ANKLE2: variants seen among roughly 807,000 people sequenced by gnomAD.
ANKLE2 encodes ankyrin repeat and LEM domain containing 2, also known as ankyrin repeat and LEM domain-containing protein 2.
ANKLE2 carries 55 observed loss-of-function variants against 84.2 expected under a neutral mutation model. The observed-to-expected ratio is 0.65, with a 90% CI of 0.53 to 0.82. The LOEUF (loss-of-function observed/expected upper bound fraction) is 0.82, where lower values mean the gene tolerates loss of function less well. ANKLE2 is among the 40% of genes least tolerant of loss of function. The pLI is 0.00. For missense variants in ANKLE2, 1,238 were observed against 1,201.9 expected, an observed-to-expected ratio of 1.03 and a Z score of -0.44; for synonymous variants, 551 against 486.1, an observed-to-expected ratio of 1.13 and a Z score of -1.76.
At chr12:132,753,137 A>G (rs1021326161) in intron 2 of ANKLE2, among the ~76,000 whole-genome samples, 1 of 151,882 alleles carries the variant, frequency 6.6e-6, no homozygotes, top group Non-Finnish European at 1.5e-5. Flanking sequence ...ATGGGGAAAC[A>G]TTGTCTCTAC....
intron 11 of ANKLE2, among the ~76,000 whole-genome samples, chr12:132,729,164 A>G (rs2043771432): frequency 6.6e-6 from 1 of 151,230 alleles, no homozygotes; most frequent in Non-Finnish European, 1.5e-5. Context: ...CAGCCTGGCC[A>G]ATATGGCGAA....
intron 1 of ANKLE2, 196 bp downstream of exon 1, chr12:132,761,422 C>G: frequency 2.4e-6 from 1 of 418,726 alleles, no homozygotes; most frequent in Non-Finnish European, 3.9e-6. Context: ...CCTCCGCCCC[C>G]GGCCCGGGAA....
intron 2 of ANKLE2, chr12:132,751,168 A>AC (rs912592266): frequency 1.1e-4 from 22 of 198,398 alleles, no homozygotes; most frequent in Admixed American, 9.7e-4. Context: ...TTAAAAAAAA[A>AC]AACTATAATT....
intron 2 of ANKLE2, 112 bp from the exon 3 acceptor site, chr12:132,750,961 G>A: frequency 1.1e-6 from 1 of 911,366 alleles, no homozygotes; most frequent in Non-Finnish European, 1.7e-6. Context: ...CAGTCGCCTG[G>A]CTTAGTTCAG....
In ANKLE2 at chr12:132,731,986, G is replaced by A. The variant is rs113040144; in HGVS notation, c.1892-1716C>T. The A allele has an allele frequency of 5.5e-3, 826 of 150,938 alleles. 7 individuals are homozygous for A. The highest frequency in any genetic ancestry group is 0.019 in the African/African-American group (775 of 40,104). 9.3% of individuals were successfully genotyped at this position (150,938 alleles called of 1,614,324 possible). On this transcript the variant is annotated intron_variant, in intron 10 of 12. Coordinates refer to ENST00000357997, the MANE Select transcript of ANKLE2 (RefSeq NM_015114.3). The stretch of plus-strand genomic sequence containing the variant: ...TGCGTCCTGGTGTCTCATATGCACC[G>A]TGTGAAGCGCTCTGCGTCCTGGTGT...
rs1593157413 is a variant in ANKLE2, at chr12:132,740,855, G to GGAGGCGAGTGGGGAGGGAACGTCCCA, written c.1420+563_1420+564insTGGGACGTTCCCTCCCCACTCGCCTC. Reference sequence around the variant, plus strand: ...GAGGCGAGTGGGGAGGGAACGTCCCGGAGGCGAGTGGGGAGGGAGTGTCCC... The same window carrying GGAGGCGAGTGGGGAGGGAACGTCCCA: ...GAGGCGAGTGGGGAGGGAACGTCCCGGAGGCGAGTGGGGAGGGAACGTCCCAGAGGCGAGTGGGGAGGGAGTGTCCC... On this transcript the variant is annotated intron_variant, in intron 7 of 12. Coordinates refer to ENST00000357997, the MANE Select transcript of ANKLE2 (RefSeq NM_015114.3). 5.3e-5 allele frequency among the ~76,000 whole-genome samples: 8 copies of GGAGGCGAGTGGGGAGGGAACGTCCCA among 152,144 alleles called. No homozygotes were observed. The East Asian group carries it at 1.5e-3, about 29-fold the overall frequency.
intron 2 of ANKLE2, among the ~76,000 whole-genome samples, chr12:132,752,051 T>C (rs1019393076): frequency 1.3e-5 from 2 of 152,042 alleles, no homozygotes; most frequent in Non-Finnish European, 1.5e-5. Context: ...TGGATAAAAA[T>C]AGCCATAGTT....
Position 132,735,500 on chromosome 12 carries a change from GA to G in ANKLE2, c.1605del (p.Arg536AlafsTer34). ...GPLSPAKAED[F>X]RKLWKTPPRE... Reference sequence around the variant, plus strand: ...CGAGGTGGAGTTTTCCAGAGCTTGCGAAAATCTTCTGCCTATGAAGAAAAAA... The same window carrying G: ...CGAGGTGGAGTTTTCCAGAGCTTGCGAAATCTTCTGCCTATGAAGAAAAAA... On this transcript the variant is annotated frameshift_variant, in exon 9 of 13. Coordinates refer to ENST00000357997, the MANE Select transcript of ANKLE2 (RefSeq NM_015114.3). LOFTEE classifies it high-confidence loss of function. The G allele has an allele frequency of 6.2e-7, 1 of 1,612,222 alleles. No homozygotes were observed. The highest frequency in any genetic ancestry group is 8.5e-7 in the Non-Finnish European group (1 of 1,179,488).
chr12:132,741,749 G>A, intron 6 of ANKLE2: 1 of 596,134 alleles, frequency 1.7e-6, no homozygotes, highest in Non-Finnish European at 3.1e-6. Flanking sequence ...CTGTCTGCAA[G>A]GAGAGGAAAA....
intron 2 of ANKLE2, 151 bp downstream of exon 2, chr12:132,754,524 T>C (rs2044432098): frequency 1.4e-6 from 1 of 715,106 alleles, no homozygotes; most frequent in African/African-American, 1.8e-5. Context: ...AAGTTCTACA[T>C]AAAAATGTTA....
intron 6 of ANKLE2, chr12:132,742,184 TACACACACAC>T (rs71856305): frequency 9.8e-4 from 188 of 192,656 alleles, no homozygotes; most frequent in African/African-American, 2.4e-3. Flanking sequence ...GAAGTACAGA[TACACACACAC>T]ACACACACAC....
At chr12:132,742,186 C>CAT (rs1194835771) in intron 6 of ANKLE2, 1 of 43,774 alleles carries the variant, frequency 2.3e-5, no homozygotes, top group East Asian at 3.6e-4. Flanking sequence ...AGTACAGATA[C>CAT]ACACACACAC....
At chr12:132,732,629 ACGCACCG>A (rs1457073204) in intron 10 of ANKLE2, among the ~76,000 whole-genome samples, 2 of 101,890 alleles carry the variant, frequency 2.0e-5, no homozygotes, top group Admixed American at 1.1e-4. Context: ...GGTGTCTGAT[ACGCACCG>A]TGAAGCGCTC....
Position 132,729,753 on chromosome 12 carries a change from CAAG to C in ANKLE2, c.2406_2408del (p.Leu803del). 2 of 1,611,888 alleles carry C rather than the reference CAAG, an allele frequency of 1.2e-6. No individual in the cohort carries two copies. The highest frequency in any genetic ancestry group is 1.7e-6 in the Non-Finnish European group (2 of 1,179,524). ...CCTCGTGCCTGGGGCTGCTGGGACT[CAAG>C]GACATTTTAGCGATCCTGGCTGACA... On this transcript the variant is annotated inframe_deletion, in exon 11 of 13. Transcript: ENST00000357997.
At position 132,741,497 on chromosome 12, in the gene ANKLE2, A is replaced by C; in HGVS notation, c.1354-12T>G. ...CTTTCACAAATTACCTATTGGAAAA[A>C]AAAGTGTGTCTAAATCTTATTTGAT... On this transcript the variant is annotated splice_polypyrimidine_tract_variant and intron_variant, in intron 6 of 12. Coordinates refer to ENST00000357997, the MANE Select transcript of ANKLE2 (RefSeq NM_015114.3). 1.9e-6 allele frequency: 3 copies of C among 1,612,982 alleles called. No individual in the cohort carries two copies. Among genetic ancestry groups the C allele is most frequent in the Non-Finnish European group, 2.5e-6 (3 of 1,179,076 alleles).
intron 10 of ANKLE2, among the ~76,000 whole-genome samples, chr12:132,733,560 A>G (rs1250439113): frequency 8.4e-4 from 95 of 113,722 alleles, no homozygotes; most frequent in Middle Eastern, 6.1e-3. Context: ...AGCGCTCTGC[A>G]TCCTGGTGTC....
At chr12:132,751,788 C>A (rs2044362795) in intron 2 of ANKLE2, among the ~76,000 whole-genome samples, 1 of 152,136 alleles carries the variant, frequency 6.6e-6, no homozygotes, top group Non-Finnish European at 1.5e-5. Flanking sequence ...GGTGACCTGC[C>A]CACCTCAGCC....
At chr12:132,736,811 A>T (rs961365207) in intron 8 of ANKLE2, 82 bp downstream of exon 8, 1 of 1,479,560 alleles carries the variant, frequency 6.8e-7, no homozygotes, top group African/African-American at 1.4e-5. Context: ...GAGACCACGC[A>T]CAAGGCAACA....
At chr12:132,735,537 A>G in intron 8 of ANKLE2, 25 bp from the exon 9 acceptor site, 1 of 1,599,234 alleles carries the variant, frequency 6.3e-7, no homozygotes, top group Middle Eastern at 1.7e-4. Context: ...AAATGTATTG[A>G]GCCGTGTCAG....
Sources: gnomAD v4.1 joint callset for allele counts (sites outside exome capture counted in the v4.1 genomes callset) on GRCh38, gnomAD v4.1.1 for gene constraint, MANE v1.5 for transcripts, NCBI Gene and HGNC (gene_info 2026-07-23, HGNC 2026-07-21) for gene names.